The following GFRA2 variants were observed in gnomAD, a reference collection of about 807,000 sequenced individuals.
GFRA2 encodes the protein GDNF family receptor alpha-2.
Under a neutral mutation model 48.3 loss-of-function variants are expected in GFRA2, and 17 were observed. The observed-to-expected ratio is 0.35, with a 90% CI of 0.24 to 0.53. The LOEUF is 0.53. Among genes scored for constraint, GFRA2 ranks in the 20% least tolerant of loss-of-function variants. The pLI is 0.93. For missense variants in GFRA2, 660 were observed against 637.3 expected (o/e 1.04, Z -0.38); for synonymous variants, 305 against 257.2 (o/e 1.19, Z -1.78).
At chr8:21,711,939 C>T (rs185526303) in intron 4 of GFRA2, among the ~76,000 whole-genome samples, 189 of 152,250 alleles carry the variant, frequency 1.2e-3, no homozygotes, top group Non-Finnish European at 2.1e-3. Context: ...TTGCACTGCC[C>T]GTAATCCATT....
chr8:21,766,344 TTC>T (rs1296287003), intron 3 of GFRA2, among the ~76,000 whole-genome samples: 2 of 152,016 alleles, frequency 1.3e-5, no homozygotes, highest in African/African-American at 4.8e-5. Flanking sequence ...TTTTCTATTT[TTC>T]TCTGTCTCCA....
At chr8:21,755,942 G>C (rs1805546356) in intron 3 of GFRA2, among the ~76,000 whole-genome samples, 2 of 152,374 alleles carry the variant, frequency 1.3e-5, no homozygotes, top group African/African-American at 4.8e-5. Flanking sequence ...GGCTATTGTG[G>C]GGACACTGCC....
chr8:21,716,744 CATTATAATAGTA>C (rs1482656129), intron 4 of GFRA2, among the ~76,000 whole-genome samples: 2 of 152,148 alleles, frequency 1.3e-5, no homozygotes, highest in African/African-American at 4.8e-5. Context: ...GAGTTTTGCT[CATTATAATAGTA>C]AAAAAACACA....
At chr8:21,800,593 C>G (rs1376183652) in intron 2 of GFRA2, among the ~76,000 whole-genome samples, 1 of 152,214 alleles carries the variant, frequency 6.6e-6, no homozygotes, top group Non-Finnish European at 1.5e-5. Flanking sequence ...ATCCTTCACA[C>G]CACAGATGAC....
chr8:21,785,705 T>C (rs1807238848), intron 1 of GFRA2, among the ~76,000 whole-genome samples: 1 of 151,974 alleles, frequency 6.6e-6, no homozygotes, highest in Non-Finnish European at 1.5e-5. Context: ...CCCGAGTCAC[T>C]TTCCCCTTCT....
At chr8:21,778,172 C>A (rs74758117) in intron 2 of GFRA2, among the ~76,000 whole-genome samples, 7,445 of 152,106 alleles carry the variant, frequency 0.049, 287 homozygotes, top group African/African-American at 0.097. Context: ...GCCCTCTCCG[C>A]AGCCCCAGGC....
chr8:21,788,684 T>C lies in GFRA2; in HGVS notation c.-525A>G, dbSNP rs775483075. On this transcript the variant is annotated 5_prime_UTR_variant, in exon 1 of 9. Coordinates refer to ENST00000524240, the MANE Select transcript of GFRA2 (RefSeq NM_001495.5). ...AGTCGGAGCTTCGAGGACGAGAGAC[T>C]GGAGTCGCTTCTTTCGCACCAAGAC... The C allele has an allele frequency of 1.2e-5, 12 of 985,614 alleles. No homozygotes were observed. The highest frequency in any genetic ancestry group is 1.4e-5 in the Non-Finnish European group (12 of 830,102). 61.1% of individuals were successfully genotyped at this position (985,614 alleles called of 1,614,324 possible).
chr8:21,784,059 C>G (rs1331307284), intron 1 of GFRA2, among the ~76,000 whole-genome samples: 1 of 152,016 alleles, frequency 6.6e-6, no homozygotes, highest in Non-Finnish European at 1.5e-5. Flanking sequence ...TGGAACCTTG[C>G]TCCTCCACCA....
intron 2 of GFRA2, among the ~76,000 whole-genome samples, chr8:21,799,155 C>A (rs1306091898): frequency 6.6e-6 from 1 of 152,138 alleles, no homozygotes; most frequent in African/African-American, 2.4e-5. Flanking sequence ...CTGACCCACA[C>A]AATAAATGCT....
intron 3 of GFRA2, among the ~76,000 whole-genome samples, chr8:21,763,950 AACACACACACACAC>A (rs527247743): frequency 0.071 from 8,702 of 123,372 alleles, 370 homozygotes; most frequent in Non-Finnish European, 0.074. Context: ...GTCACTAGGT[AACACACACACACAC>A]ACACACACAC....
At chr8:21,731,743 G>T (rs565224562) in intron 4 of GFRA2, among the ~76,000 whole-genome samples, 1 of 152,328 alleles carries the variant, frequency 6.6e-6, no homozygotes, top group South Asian at 2.1e-4. Flanking sequence ...ATGGAAGAAA[G>T]CTCCGAGAGG....
intron 1 of GFRA2, among the ~76,000 whole-genome samples, chr8:21,786,468 G>A (rs1807273866): frequency 6.6e-6 from 1 of 152,224 alleles, no homozygotes; most frequent in African/African-American, 2.4e-5. Context: ...GGACCCAGAA[G>A]GCTGGGTTTT....
At chr8:21,766,766 T>A (rs937434631) in intron 3 of GFRA2, among the ~76,000 whole-genome samples, 5 of 824 alleles carry the variant, frequency 6.1e-3, no homozygotes, top group African/African-American at 0.02. Flanking sequence ...GTCCTGTCCC[T>A]TCAGACAGAA....
chr8:21,698,960 T>G (rs1056140283), intron 7 of GFRA2, among the ~76,000 whole-genome samples: 1 of 152,156 alleles, frequency 6.6e-6, no homozygotes, highest in African/African-American at 2.4e-5. Context: ...CACGGGTCCT[T>G]GGCCTCCACT....
At chr8:21,745,343 G>T (rs973930929) in intron 4 of GFRA2, among the ~76,000 whole-genome samples, 5 of 152,198 alleles carry the variant, frequency 3.3e-5, no homozygotes, top group African/African-American at 1.2e-4. Flanking sequence ...AGCAGGCCTG[G>T]CTGTATCAGG....
At chr8:21,707,758 T>A (rs1802820392) in intron 4 of GFRA2, among the ~76,000 whole-genome samples, 1 of 152,194 alleles carries the variant, frequency 6.6e-6, no homozygotes, top group Non-Finnish European at 1.5e-5. Flanking sequence ...TTGGGATGAT[T>A]AAAAAGTTCT....
At chr8:21,781,873 G>A (rs915794975) in intron 2 of GFRA2, among the ~76,000 whole-genome samples, 55 of 152,290 alleles carry the variant, frequency 3.6e-4, no homozygotes, top group African/African-American at 1.3e-3. Flanking sequence ...TATTGGCGGG[G>A]GGACTTATAG....
At chr8:21,772,313 G>GT (rs1218057121) in intron 3 of GFRA2, among the ~76,000 whole-genome samples, 2 of 152,188 alleles carry the variant, frequency 1.3e-5, no homozygotes, top group East Asian at 3.9e-4. Context: ...GTTTTGGGAG[G>GT]TTTTTTTGAG....
At chr8:21,767,252 C>T (rs866318219) in intron 3 of GFRA2, among the ~76,000 whole-genome samples, 5 of 151,298 alleles carry the variant, frequency 3.3e-5, no homozygotes, top group Middle Eastern at 6.8e-3. Flanking sequence ...ACATCACATA[C>T]ACACACCACC....
Sources: allele counts gnomAD v4.1 joint callset (sites outside exome capture counted in the v4.1 genomes callset), GRCh38; gene constraint gnomAD v4.1.1; transcripts MANE v1.5; gene names NCBI Gene and HGNC (gene_info 2026-07-23, HGNC 2026-07-21).